UBR1: variants seen among roughly 807,000 people sequenced by gnomAD.
The protein encoded by UBR1 is ubiquitin protein ligase E3 component n-recognin 1.
UBR1 carries 102 observed loss-of-function variants against 242.1 expected under a neutral mutation model. The ratio of observed to expected loss-of-function variants is 0.42; its 90% CI spans 0.36 to 0.50. UBR1 has a LOEUF of 0.50. Ranked by LOEUF, UBR1 falls within the 20% of genes least tolerant of loss-of-function variation. UBR1 has a pLI of 0.01. For synonymous variants in UBR1, 675 were observed against 684.8 expected (o/e 0.99, Z 0.22); for missense variants, 1,772 against 2,101.8 (o/e 0.84, Z 3.07).
chr15:43,102,284 G>A (rs1450251656), intron 1 of UBR1, among the ~76,000 whole-genome samples: 5 of 152,128 alleles, frequency 3.3e-5, no homozygotes, highest in Non-Finnish European at 7.3e-5. Flanking sequence ...CCTTTCCAGT[G>A]CAAGCTACCA....
At chr15:42,955,518 T>C (rs2141251658) in intron 44 of UBR1, among the ~76,000 whole-genome samples, 1 of 152,244 alleles carries the variant, frequency 6.6e-6, no homozygotes, top group East Asian at 1.9e-4. Context: ...ACTGAGATTC[T>C]TGTCTTTTAA....
intron 29 of UBR1, among the ~76,000 whole-genome samples, chr15:43,012,376 A>G (rs1312715984): frequency 6.6e-6 from 1 of 152,230 alleles, no homozygotes; most frequent in Admixed American, 6.5e-5. Context: ...CTATTTCTTC[A>G]TGTATACATG....
Position 42,961,107 on chromosome 15 carries a change from T to G in UBR1, c.4701-406A>C, listed in dbSNP as rs1220549904. Among the ~76,000 whole-genome samples, 15 of 140,366 alleles carry G rather than the reference T, an allele frequency of 1.1e-4. No homozygotes were observed. In the Admixed American group the frequency reaches 1.1e-3, roughly 10 times the overall value. 92.1% of individuals were successfully genotyped at this position (140,366 alleles called of 152,430 possible). A position where few individuals can be genotyped will look rare whatever the true frequency, so the allele number is the denominator to read the frequency against. On this transcript the variant is annotated intron_variant, in intron 42 of 46. Coordinates refer to ENST00000290650, the MANE Select transcript of UBR1 (RefSeq NM_174916.3). ...CTGTCCCTTCTTTCTATTTCTATGT[T>G]CCCCCTTTTTTTTTTTTTTTTGTTT... is the stretch of plus-strand genomic sequence containing the variant.
chr15:43,063,560 T>C (rs190839963), intron 6 of UBR1, among the ~76,000 whole-genome samples: 387 of 152,210 alleles, frequency 2.5e-3, no homozygotes, highest in Non-Finnish European at 4.4e-3. Context: ...TCCCAGCACT[T>C]TGGGAGGCCA....
chr15:43,073,131 A>G (rs1197214755), intron 4 of UBR1, among the ~76,000 whole-genome samples: 1 of 152,160 alleles, frequency 6.6e-6, no homozygotes, highest in Non-Finnish European at 1.5e-5. Flanking sequence ...ACTGTACTTC[A>G]GCCTGGGCGA....
At position 42,957,952 on chromosome 15, in the gene UBR1, C is replaced by T. The variant is rs548367522; in HGVS notation, c.4835+61G>A. 954 of 1,381,566 alleles carry T rather than the reference C, an allele frequency of 6.9e-4. 1 individual carries two copies. Among genetic ancestry groups the T allele is most frequent in the Non-Finnish European group, 9.2e-4 (897 of 974,534 alleles). The allele number at this position is 1,381,566 out of a possible 1,614,324, so 85.6% of individuals were successfully genotyped here. On this transcript the variant is annotated intron_variant, in intron 44 of 46. Transcript: ENST00000290650. ...GGAAGTGTGTTAGTTATGGCATATA[C>T]CAATTGCGAGTTCAGAAAATGATTT...
At position 42,948,515 on chromosome 15, in the gene UBR1, T is replaced by A. The variant is rs1477405422; in HGVS notation, c.5108+1747A>T. On this transcript the variant is annotated intron_variant, in intron 46 of 46. Transcript: ENST00000290650. ...AGGCAACCTACAAAATGGGAGAAAA[T>A]TTTCGCAACCTACTCATCTGACAAA... 2.6e-5 allele frequency among the ~76,000 whole-genome samples: 4 copies of A among 151,368 alleles called. No homozygotes were observed. In the East Asian group the frequency reaches 7.7e-4, roughly 29 times the overall value.
chr15:43,014,522 C>A (rs188630276), intron 29 of UBR1, among the ~76,000 whole-genome samples: 1 of 151,922 alleles, frequency 6.6e-6, no homozygotes, highest in Non-Finnish European at 1.5e-5. Context: ...TGGGGAGCGC[C>A]TCTGCCCCAC....
intron 22 of UBR1, 94 bp from the exon 23 acceptor site, chr15:43,026,757 T>A: frequency 2.8e-6 from 3 of 1,074,058 alleles, no homozygotes; most frequent in Non-Finnish European, 4.1e-6. Context: ...AGAAGTCAAA[T>A]ATACAGAAAA....
intron 43 of UBR1, among the ~76,000 whole-genome samples, 185 bp from the exon 44 acceptor site, chr15:42,958,275 G>C (rs569773480): frequency 2.6e-5 from 4 of 152,160 alleles, no homozygotes; most frequent in Admixed American, 1.3e-4. Context: ...TCTTTCATCA[G>C]CTGGATTCCT....
At chr15:42,982,201 T>A (rs1035016986) in intron 37 of UBR1, among the ~76,000 whole-genome samples, 1 of 152,230 alleles carries the variant, frequency 6.6e-6, no homozygotes, top group African/African-American at 2.4e-5. Context: ...GTAAATCCCA[T>A]AATGTTTAAC....
chr15:43,064,199 C>T (rs903099314), intron 6 of UBR1, among the ~76,000 whole-genome samples: 6 of 152,142 alleles, frequency 3.9e-5, no homozygotes, highest in South Asian at 2.1e-4. Context: ...ATTATTTACC[C>T]GGGGGAGGAG....
rs189911259 is a variant in UBR1 at position 43,004,137 on chromosome 15, T to C, written c.3416-207A>G. On this transcript the variant is annotated intron_variant, in intron 30 of 46. Transcript: ENST00000290650. ...ATATGATTCTAAAATTAGTATGGATTAATAACTCTATCTTTGATTTACTTT... is the reference window on the plus strand; with the variant it reads ...ATATGATTCTAAAATTAGTATGGATCAATAACTCTATCTTTGATTTACTTT... 1.1e-4 allele frequency among the ~76,000 whole-genome samples: 17 copies of C among 152,342 alleles called. 1 individual carries two copies. The East Asian group carries it at 3.1e-3, about 28-fold the overall frequency.
intron 43 of UBR1, among the ~76,000 whole-genome samples, chr15:42,958,916 C>T (rs910437427): frequency 6.6e-6 from 1 of 152,090 alleles, no homozygotes; most frequent in Non-Finnish European, 1.5e-5. Flanking sequence ...CTGCAACGTC[C>T]GCGTCCTGGG....
intron 30 of UBR1, 46 bp downstream of exon 30, chr15:43,007,033 G>A: frequency 1.3e-6 from 2 of 1,576,248 alleles, no homozygotes; most frequent in Non-Finnish European, 1.7e-6. Context: ...AATTACACAG[G>A]CATGAAAAGA....
chr15:43,064,599 T>C (rs1386259143), intron 6 of UBR1, among the ~76,000 whole-genome samples: 3 of 149,140 alleles, frequency 2.0e-5, no homozygotes, highest in Non-Finnish European at 3.0e-5. Flanking sequence ...TTTTTTGAGA[T>C]AGAATCTCGC....
At position 43,059,588 on chromosome 15, in the gene UBR1, CAAAAAAA is replaced by C. The variant is rs36021315; in HGVS notation, c.985+107_985+113del. 3.9e-6 allele frequency: 4 copies of C among 1,012,820 alleles called. No individual in the cohort carries two copies. The African/African-American group carries it at 6.1e-5, about 15-fold the overall frequency. 62.7% of individuals were successfully genotyped at this position (1,012,820 alleles called of 1,614,324 possible). Reference sequence around the variant, plus strand: ...TGAAAATTAATCAAAGTGTATAAACCAAAAAAAAAAAAAAAAGAAAAACTTTATTTCA... The same window carrying C: ...TGAAAATTAATCAAAGTGTATAAACCAAAAAAAAAGAAAAACTTTATTTCA... On this transcript the variant is annotated intron_variant, in intron 8 of 46. Transcript: ENST00000290650.
intron 1 of UBR1, 104 bp downstream of exon 1, chr15:43,105,838 C>G (rs1235458861): frequency 1.8e-6 from 2 of 1,130,448 alleles, no homozygotes; most frequent in Admixed American, 3.7e-5. Context: ...CCAGATAACT[C>G]CCCCTCCCCA....
chr15:43,089,911 A>C (rs1234127043), intron 1 of UBR1, among the ~76,000 whole-genome samples: 1 of 152,254 alleles, frequency 6.6e-6, no homozygotes, highest in Non-Finnish European at 1.5e-5. Context: ...GAGACGAGAG[A>C]GATAACTAAA....
Sources: gnomAD v4.1 joint callset for allele counts (sites outside exome capture counted in the v4.1 genomes callset) on GRCh38, gnomAD v4.1.1 for gene constraint, MANE v1.5 for transcripts, NCBI Gene and HGNC (gene_info 2026-07-23, HGNC 2026-07-21) for gene names.